The following UBE2G1 variants were observed in gnomAD, a reference collection of about 807,000 sequenced individuals.
UBE2G1 encodes the protein ubiquitin conjugating enzyme E2 G1.
UBE2G1 carries 5 observed loss-of-function variants against 22.7 expected under a neutral mutation model. The ratio of observed to expected loss-of-function variants is 0.22; its 90% CI spans 0.12 to 0.46. UBE2G1 has a LOEUF of 0.46. UBE2G1 is among the 20% of genes least tolerant of loss of function. UBE2G1 has a pLI of 0.99. For synonymous variants in UBE2G1, 74 were observed against 67.5 expected, an observed-to-expected ratio of 1.10 and a Z score of -0.47; for missense variants, 88 against 203.9, an observed-to-expected ratio of 0.43 and a Z score of 3.46.
At chr17:4,292,580 A>C (rs1969055059) in intron 3 of UBE2G1, among the ~76,000 whole-genome samples, 1 of 152,198 alleles carries the variant, frequency 6.6e-6, no homozygotes, top group African/African-American at 2.4e-5. Flanking sequence ...ACTTTCAGCT[A>C]CCTGAAGTCA....
At chr17:4,297,634 G>A (rs887726643) in intron 2 of UBE2G1, among the ~76,000 whole-genome samples, 2 of 152,068 alleles carry the variant, frequency 1.3e-5, no homozygotes, top group Admixed American at 1.3e-4. Context: ...CTAAATTTCT[G>A]TCTTGCGGCC....
chr17:4,329,259 C>T (rs983765177), intron 1 of UBE2G1, among the ~76,000 whole-genome samples: 1 of 151,746 alleles, frequency 6.6e-6, no homozygotes, highest in Non-Finnish European at 1.5e-5. Flanking sequence ...ATGAGTCAGG[C>T]GTGGTGGAGT....
intron 1 of UBE2G1, 113 bp from the exon 2 acceptor site, chr17:4,307,236 G>T: frequency 1.1e-6 from 1 of 879,248 alleles, no homozygotes; most frequent in Non-Finnish European, 1.8e-6. Flanking sequence ...CCATTAAATA[G>T]ATATACCTTG....
At chr17:4,286,889 C>CA (rs1042783272) in intron 4 of UBE2G1, among the ~76,000 whole-genome samples, 4 of 151,630 alleles carry the variant, frequency 2.6e-5, no homozygotes, top group Admixed American at 6.6e-5. Flanking sequence ...TAAAAACACA[C>CA]AAAAAAATTG....
chr17:4,279,971 T>C (rs1401347565), intron 5 of UBE2G1, among the ~76,000 whole-genome samples: 2 of 151,522 alleles, frequency 1.3e-5, no homozygotes. Context: ...TGAAACGATA[T>C]GCAATTTCAC....
chr17:4,343,869 G>A (rs1437569217), intron 1 of UBE2G1, among the ~76,000 whole-genome samples: 1 of 152,098 alleles, frequency 6.6e-6, no homozygotes, highest in African/African-American at 2.4e-5. Context: ...TTACAGGCGT[G>A]AGCCACCGCG....
At chr17:4,338,644 A>T (rs1251707492) in intron 1 of UBE2G1, among the ~76,000 whole-genome samples, 1 of 152,232 alleles carries the variant, frequency 6.6e-6, no homozygotes, top group African/African-American at 2.4e-5. Flanking sequence ...TCTAAATTAT[A>T]ATAGCAAACT....
intron 3 of UBE2G1, among the ~76,000 whole-genome samples, chr17:4,290,839 A>G (rs2143699853): frequency 6.7e-6 from 1 of 148,804 alleles, no homozygotes; most frequent in East Asian, 2.0e-4. Context: ...GGCTGGTCCC[A>G]AACTGGGATT....
chr17:4,310,192 T>C (rs1186456375), intron 1 of UBE2G1, among the ~76,000 whole-genome samples: 2 of 152,158 alleles, frequency 1.3e-5, no homozygotes, highest in African/African-American at 4.8e-5. Context: ...CATGAAGTCT[T>C]CCCTAAATAA....
At position 4,365,661 on chromosome 17, in the gene UBE2G1, G is replaced by A. The variant is rs933382620; in HGVS notation, c.46+610C>T. On this transcript the variant is annotated intron_variant, in intron 1 of 5. Transcript: ENST00000396981. The stretch of plus-strand genomic sequence containing the variant: ...CCGGAGCCCGTGCCAGGCGGAGGCA[G>A]GCGAGGCGGCGATCCGCACTCCGCC... 2.6e-5 allele frequency among the ~76,000 whole-genome samples: 4 copies of A among 152,120 alleles called. No individual in the cohort carries two copies. The East Asian group carries it at 7.7e-4, about 29-fold the overall frequency.
rs57051928 is a variant in UBE2G1 at position 4,330,976 on chromosome 17, CCA to C, written c.47-23855_47-23854del. On this transcript the variant is annotated intron_variant, in intron 1 of 5. Coordinates refer to ENST00000396981, the MANE Select transcript of UBE2G1 (RefSeq NM_003342.5). ...TAATTACTCTTATAAACCTTTAAAA[CCA>C]CACACACACACACACACACACACAC... Among the ~76,000 whole-genome samples the C allele has an allele frequency of 9.9e-3, 1,422 of 143,424 alleles. 10 individuals are homozygous for C. The highest frequency in any genetic ancestry group is 0.019 in the African/African-American group (726 of 37,684). The allele number at this position is 143,424 out of a possible 152,430, so 94.1% of individuals were successfully genotyped here.
intron 1 of UBE2G1, among the ~76,000 whole-genome samples, chr17:4,361,253 G>C (rs1262127581): frequency 6.7e-6 from 1 of 149,620 alleles, no homozygotes; most frequent in Admixed American, 6.7e-5. Context: ...GAGGCCAGGG[G>C]TGGTGGCTCA....
In UBE2G1 at chr17:4,332,981, A is replaced by C. The variant is rs140477785; in HGVS notation, c.47-25858T>G. On this transcript the variant is annotated intron_variant, in intron 1 of 5. Coordinates refer to ENST00000396981, the MANE Select transcript of UBE2G1 (RefSeq NM_003342.5). The stretch of plus-strand genomic sequence containing the variant: ...CTACAAAGCAAGCTCTATAAGAACA[A>C]GGGTTTTTGTTTATTTACTGATATA... 2.4e-3 allele frequency among the ~76,000 whole-genome samples: 372 copies of C among 152,328 alleles called. 3 individuals are homozygous for C. The highest frequency in any genetic ancestry group is 8.5e-3 in the African/African-American group (354 of 41,578).
intron 2 of UBE2G1, chr17:4,302,417 T>C: frequency 2.0e-6 from 1 of 507,402 alleles, no homozygotes; most frequent in South Asian, 1.5e-5. Context: ...GCCTGTGCAT[T>C]TTGGCCAACA....
chr17:4,302,197 T>G, intron 2 of UBE2G1: 1 of 510,224 alleles, frequency 2.0e-6, no homozygotes, highest in Non-Finnish European at 4.0e-6. Context: ...GGATTTTCTT[T>G]CCAGGCAGCA....
rs551421528 is a variant in UBE2G1, at chr17:4,308,921, G to A, written c.47-1798C>T. On this transcript the variant is annotated intron_variant, in intron 1 of 5. Transcript: ENST00000396981. ...GAGATGGTATTATTTCAACAACTAC[G>A]ATTTAACAACATGCCAGCAAAATAG... is the stretch of plus-strand genomic sequence containing the variant. 5.3e-5 allele frequency among the ~76,000 whole-genome samples: 8 copies of A among 152,246 alleles called. No individual in the cohort carries two copies. The South Asian group carries it at 1.0e-3, about 20-fold the overall frequency.
chr17:4,366,604 G>C lies in UBE2G1; in HGVS notation c.-288C>G, dbSNP rs1331548560. 6.0e-6 allele frequency: 2 copies of C among 334,820 alleles called. No individual in the cohort carries two copies. The highest frequency in any genetic ancestry group is 2.2e-5 in the African/African-American group (1 of 46,330). 20.7% of individuals were successfully genotyped at this position (334,820 alleles called of 1,614,324 possible). ...GCTTCCCTCCTTCAACCCGCCCGTC[G>C]GCCCCACCGGTGCCTTCCCCCGCCA... On this transcript the variant is annotated 5_prime_UTR_variant, in exon 1 of 6. Coordinates refer to ENST00000396981, the MANE Select transcript of UBE2G1 (RefSeq NM_003342.5).
At chr17:4,319,975 A>G (rs1969419703) in intron 1 of UBE2G1, among the ~76,000 whole-genome samples, 1 of 151,848 alleles carries the variant, frequency 6.6e-6, no homozygotes, top group Non-Finnish European at 1.5e-5. Context: ...TTATATATAT[A>G]TATTTAATAA....
intron 2 of UBE2G1, chr17:4,301,765 T>C (rs1015053901): frequency 4.9e-6 from 3 of 614,396 alleles, no homozygotes; most frequent in East Asian, 3.5e-5. Flanking sequence ...CCAGGACATA[T>C]GCTGTCAGCT....
Sources: gnomAD v4.1 joint callset for allele counts (sites outside exome capture counted in the v4.1 genomes callset) on GRCh38, gnomAD v4.1.1 for gene constraint, MANE v1.5 for transcripts, NCBI Gene and HGNC (gene_info 2026-07-23, HGNC 2026-07-21) for gene names.